The following SLMAP variants were observed in gnomAD, a reference collection of about 807,000 sequenced individuals.
SLMAP encodes sarcolemma associated protein.
SLMAP carries 44 observed loss-of-function variants against 128.8 expected under a neutral mutation model. The observed-to-expected ratio is 0.34, with a 90% CI of 0.27 to 0.44. The LOEUF (loss-of-function observed/expected upper bound fraction) is 0.44. SLMAP is among the 20% of genes least tolerant of loss of function. The pLI is 1.00. For missense variants in SLMAP, 787 were observed against 985.3 expected (o/e 0.80, Z 2.69); for synonymous variants, 327 against 348.8 (o/e 0.94, Z 0.70).
chr3:57,862,303 G>A (rs1043864768), intron 10 of SLMAP, among the ~76,000 whole-genome samples: 1 of 151,626 alleles, frequency 6.6e-6, no homozygotes, highest in Admixed American at 6.6e-5. Context: ...GGGCGACAGA[G>A]CGATACTCCA....
At chr3:57,825,778 G>A (rs1170581888) in intron 2 of SLMAP, among the ~76,000 whole-genome samples, 2 of 152,252 alleles carry the variant, frequency 1.3e-5, no homozygotes, top group African/African-American at 2.4e-5. Flanking sequence ...GGTGTCCCAC[G>A]CTGGGAATGC....
intron 2 of SLMAP, among the ~76,000 whole-genome samples, chr3:57,791,767 T>A (rs1050528616): frequency 1.3e-5 from 2 of 152,184 alleles, no homozygotes; most frequent in Non-Finnish European, 2.9e-5. Context: ...TCTCTCATAT[T>A]TGAACCAATT....
intron 2 of SLMAP, among the ~76,000 whole-genome samples, chr3:57,793,185 C>G (rs1334973477): frequency 6.6e-6 from 1 of 152,022 alleles, no homozygotes. Context: ...ATGTCAGCCT[C>G]CAAGTAGTTA....
chr3:57,831,375 T>C lies in SLMAP; in HGVS notation c.199-8T>C. On this transcript the variant is annotated splice_polypyrimidine_tract_variant and splice_region_variant and intron_variant, in intron 2 of 24. Transcript: ENST00000671191. ...TTGGCCCTTTTTTGTTTTTGTTTTT[T>C]TTTGCAGTTTTATCTTCAAGACACT... The C allele has an allele frequency of 6.8e-7, 1 of 1,474,352 alleles. No homozygotes were observed. The highest frequency in any genetic ancestry group is 9.1e-7 in the Non-Finnish European group (1 of 1,103,954). 91.3% of individuals were successfully genotyped at this position (1,474,352 alleles called of 1,614,324 possible). A position where few individuals can be genotyped will look rare whatever the true frequency, so the allele number is the denominator to read the frequency against.
intron 4 of SLMAP, among the ~76,000 whole-genome samples, chr3:57,845,030 G>A (rs577576126): frequency 6.6e-6 from 1 of 152,160 alleles, no homozygotes; most frequent in Admixed American, 6.5e-5. Context: ...ACCCACAATG[G>A]TTATCTCTGA....
intron 6 of SLMAP, among the ~76,000 whole-genome samples, chr3:57,850,787 C>T (rs890452068): frequency 6.6e-6 from 1 of 152,106 alleles, no homozygotes; most frequent in Middle Eastern, 3.2e-3. Context: ...GCATCCACCA[C>T]CCACAGCTGG....
Position 57,927,465 on chromosome 3 carries a change from T to C in SLMAP, c.*176T>C, listed in dbSNP as rs1427461430. On this transcript the variant is annotated 3_prime_UTR_variant, in exon 25 of 25. Transcript: ENST00000671191. ...CTCATGCTGGGGACAAACAGAACCA[T>C]TTTCTTCCTCTTTACCTCTTAAAAC... 3.8e-6 allele frequency: 3 copies of C among 796,782 alleles called. No individual in the cohort carries two copies. Among genetic ancestry groups the C allele is most frequent in the East Asian group, 5.5e-5 (2 of 36,276 alleles). The allele number at this position is 796,782 out of a possible 1,614,324, so 49.4% of individuals were successfully genotyped here. A position where few individuals can be genotyped will look rare whatever the true frequency, so the allele number is the denominator to read the frequency against.
chr3:57,873,686 A>G (rs1336626920), intron 14 of SLMAP, among the ~76,000 whole-genome samples: 2 of 152,162 alleles, frequency 1.3e-5, no homozygotes, highest in East Asian at 1.9e-4. Context: ...CTAAAATGCA[A>G]ATCTTTAGGC....
intron 2 of SLMAP, among the ~76,000 whole-genome samples, chr3:57,793,896 TAAA>T (rs76713113): frequency 2.6e-4 from 34 of 130,306 alleles, no homozygotes; most frequent in Non-Finnish European, 4.7e-4. Context: ...CTATCTTTCT[TAAA>T]AAAAAAAAAA....
chr3:57,870,449 G>A (rs556687498), intron 13 of SLMAP, among the ~76,000 whole-genome samples: 1 of 151,986 alleles, frequency 6.6e-6, no homozygotes, highest in Non-Finnish European at 1.5e-5. Flanking sequence ...TAGTGCATTG[G>A]TCTCTCCAAA....
At position 57,814,845 on chromosome 3, in the gene SLMAP, G is replaced by A. The variant is rs1170185471; in HGVS notation, c.199-16538G>A. 3.3e-5 allele frequency among the ~76,000 whole-genome samples: 5 copies of A among 151,980 alleles called. No homozygotes were observed. The East Asian group carries it at 9.7e-4, about 29-fold the overall frequency. On this transcript the variant is annotated intron_variant, in intron 2 of 24. Transcript: ENST00000671191. Reference sequence around the variant, plus strand: ...CAAAACAAAACAAAAAAACTAGCTGGGTGTGGTGAATGTGTGCCTGTAGTC... The same window carrying A: ...CAAAACAAAACAAAAAAACTAGCTGAGTGTGGTGAATGTGTGCCTGTAGTC...
chr3:57,860,959 C>A, intron 9 of SLMAP, 120 bp downstream of exon 9: 1 of 819,354 alleles, frequency 1.2e-6, no homozygotes. Flanking sequence ...TTCTGTCTGT[C>A]AGGTGGGAAG....
At chr3:57,842,229 A>G (rs569217398) in intron 4 of SLMAP, among the ~76,000 whole-genome samples, 1 of 152,224 alleles carries the variant, frequency 6.6e-6, no homozygotes, top group Non-Finnish European at 1.5e-5. Flanking sequence ...CCGTGCTTTC[A>G]GTAGAATCAT....
chr3:57,914,723 C>T (rs1252204473), intron 21 of SLMAP, among the ~76,000 whole-genome samples: 1 of 151,678 alleles, frequency 6.6e-6, no homozygotes, highest in Non-Finnish European at 1.5e-5. Flanking sequence ...ACTTGGATTA[C>T]AGACATGTGC....
intron 2 of SLMAP, chr3:57,800,117 T>G (rs2087852945): frequency 6.6e-6 from 1 of 152,238 alleles, no homozygotes; most frequent in Non-Finnish European, 1.5e-5. Context: ...AACGGCCTAA[T>G]TCTTCCAAAG....
intron 4 of SLMAP, among the ~76,000 whole-genome samples, chr3:57,844,513 T>C (rs1182335691): frequency 1.3e-5 from 2 of 152,160 alleles, no homozygotes; most frequent in Admixed American, 1.3e-4. Context: ...GCATATGAAC[T>C]TAATTCATAC....
At chr3:57,768,772 C>T (rs1409670752) in intron 2 of SLMAP, among the ~76,000 whole-genome samples, 1 of 152,038 alleles carries the variant, frequency 6.6e-6, no homozygotes, top group African/African-American at 2.4e-5. Flanking sequence ...ATATTACCCT[C>T]CATAATGTGG....
intron 16 of SLMAP, 122 bp downstream of exon 16, chr3:57,896,713 A>T: frequency 7.9e-7 from 1 of 1,270,234 alleles, no homozygotes; most frequent in Non-Finnish European, 1.1e-6. Flanking sequence ...TCCATTTATC[A>T]AGTCATCCCC....
intron 2 of SLMAP, among the ~76,000 whole-genome samples, chr3:57,775,806 C>A (rs960807549): frequency 6.6e-6 from 1 of 152,164 alleles, no homozygotes; most frequent in East Asian, 1.9e-4. Context: ...TTCAAGTGAT[C>A]TATTGCCTGA....
Sources: gnomAD v4.1 joint callset for allele counts (sites outside exome capture counted in the v4.1 genomes callset) on GRCh38, gnomAD v4.1.1 for gene constraint, MANE v1.5 for transcripts, NCBI Gene and HGNC (gene_info 2026-07-23, HGNC 2026-07-21) for gene names.